OPCML: variants seen among roughly 807,000 people sequenced by gnomAD.
The protein encoded by OPCML is opioid binding protein/cell adhesion molecule like.
A neutral mutation model predicts 37.8 loss-of-function variants in OPCML; 13 were observed. The observed-to-expected ratio is 0.34, with a 90% confidence interval of 0.22 to 0.55. The LOEUF is 0.55. Ranked by LOEUF, OPCML falls within the 20% of genes least tolerant of loss-of-function variation. The pLI is 0.91. For synonymous variants in OPCML, 176 were observed against 168.8 expected (o/e 1.04, Z -0.33); for missense variants, 341 against 435.6 (o/e 0.78, Z 1.93).
intron 1 of OPCML, among the ~76,000 whole-genome samples, chr11:133,446,670 A>T (rs1214113912): frequency 6.6e-6 from 1 of 152,238 alleles, no homozygotes; most frequent in Non-Finnish European, 1.5e-5. Context: ...ACATCTAAAA[A>T]TGATTCCTCA....
chr11:133,315,160 G>T (rs1943175720), intron 1 of OPCML, among the ~76,000 whole-genome samples: 1 of 151,952 alleles, frequency 6.6e-6, no homozygotes, highest in African/African-American at 2.4e-5. Flanking sequence ...TAAAAATGAG[G>T]CTTTCAGACA....
intron 2 of OPCML, among the ~76,000 whole-genome samples, chr11:132,828,914 G>A (rs1366714649): frequency 1.3e-5 from 2 of 152,182 alleles, no homozygotes; most frequent in Non-Finnish European, 2.9e-5. Context: ...AAGACAGTAG[G>A]TGCCTCGTTT....
At position 133,357,390 on chromosome 11, in the gene OPCML, C is replaced by A. The variant is rs1187690276; in HGVS notation, c.61+174874G>T. 7.9e-5 allele frequency among the ~76,000 whole-genome samples: 12 copies of A among 152,268 alleles called. No homozygotes were observed. In the East Asian group the frequency reaches 2.3e-3, roughly 29 times the overall value. The stretch of plus-strand genomic sequence containing the variant: ...CAGAATATGTGGAACGTACATGGCA[C>A]TATGTTTGACATAAACATGTGGATG... On this transcript the variant is annotated intron_variant, in intron 1 of 7. Coordinates refer to ENST00000524381, the MANE Select transcript of OPCML (RefSeq NM_001012393.5).
At chr11:133,044,751 C>T (rs1160770065) in intron 1 of OPCML, among the ~76,000 whole-genome samples, 4 of 152,062 alleles carry the variant, frequency 2.6e-5, no homozygotes, top group Admixed American at 6.6e-5. Flanking sequence ...CTTTGAATCC[C>T]GGTAGAATGA....
chr11:132,707,918 T>A (rs938370684), intron 2 of OPCML, among the ~76,000 whole-genome samples: 3 of 152,204 alleles, frequency 2.0e-5, no homozygotes, highest in Non-Finnish European at 4.4e-5. Flanking sequence ...GGGTCATATA[T>A]GACAGTTCTC....
chr11:133,300,710 G>A (rs1942755794), intron 1 of OPCML: 1 of 152,204 alleles, frequency 6.6e-6, no homozygotes, highest in African/African-American at 2.4e-5. Context: ...AAGTTAACAT[G>A]GAGATGGAGA....
In OPCML at chr11:132,943,326, AAG is replaced by A. The variant is rs1227657417; in HGVS notation, c.62-318_62-317del. The A allele has an allele frequency of 8.2e-6, 5 of 608,696 alleles. No individual in the cohort carries two copies. Among genetic ancestry groups the A allele is most frequent in the Non-Finnish European group, 1.4e-5 (5 of 356,738 alleles). 37.7% of individuals were successfully genotyped at this position (608,696 alleles called of 1,614,324 possible). On this transcript the variant is annotated intron_variant, in intron 1 of 7. Coordinates refer to ENST00000524381, the MANE Select transcript of OPCML (RefSeq NM_001012393.5). The surrounding 1 kb of genome is among the most constrained non-coding windows in gnomAD (Gnocchi z 4.3). Reference sequence around the variant, plus strand: ...CCAGATGCCCCCTCCTGCATCCAAAAAGAGCTTTCTTGACGCTCCCCTGGGGA... The same window carrying A: ...CCAGATGCCCCCTCCTGCATCCAAAAAGCTTTCTTGACGCTCCCCTGGGGA...
At chr11:132,995,622 T>C (rs1946869269) in intron 1 of OPCML, among the ~76,000 whole-genome samples, 1 of 152,096 alleles carries the variant, frequency 6.6e-6, no homozygotes, top group African/African-American at 2.4e-5. Context: ...AAATCTACCT[T>C]CAATACTTCC....
intron 4 of OPCML, among the ~76,000 whole-genome samples, chr11:132,468,318 C>G (rs1271260863): frequency 6.6e-6 from 1 of 152,220 alleles, no homozygotes; most frequent in Non-Finnish European, 1.5e-5. Context: ...TGCACACTTT[C>G]TATCCATACC....
At chr11:132,925,471 G>A (rs1486883205) in intron 2 of OPCML, among the ~76,000 whole-genome samples, 1 of 152,202 alleles carries the variant, frequency 6.6e-6, no homozygotes, top group East Asian at 1.9e-4. Flanking sequence ...GTTTCCAAAT[G>A]GTTACCCTGC....
chr11:133,035,977 T>C (rs1947776221), intron 1 of OPCML, among the ~76,000 whole-genome samples: 1 of 152,182 alleles, frequency 6.6e-6, no homozygotes, highest in African/African-American at 2.4e-5. Context: ...TTCCCAAAAC[T>C]ATGAGAAAGT....
intron 1 of OPCML, among the ~76,000 whole-genome samples, chr11:133,408,297 A>G (rs1674924236): frequency 6.6e-6 from 1 of 152,220 alleles, no homozygotes; most frequent in South Asian, 2.1e-4. Context: ...TCAGTGAGTG[A>G]CAGTGGTCAC....
At chr11:132,979,026 CA>C (rs1946526386) in intron 1 of OPCML, among the ~76,000 whole-genome samples, 1 of 152,132 alleles carries the variant, frequency 6.6e-6, no homozygotes, top group African/African-American at 2.4e-5. Context: ...TTCATTTATT[CA>C]GAACAAAAAC....
chr11:133,486,837 TC>T (rs1003698535), intron 1 of OPCML, among the ~76,000 whole-genome samples: 10 of 140,120 alleles, frequency 7.1e-5, no homozygotes, highest in Middle Eastern at 3.2e-3. Context: ...TCTCGCTCTC[TC>T]CCCCCCTTCT....
At chr11:133,093,863 G>A (rs1171158189) in intron 1 of OPCML, among the ~76,000 whole-genome samples, 1 of 152,046 alleles carries the variant, frequency 6.6e-6, no homozygotes, top group Non-Finnish European at 1.5e-5. Flanking sequence ...ATTCACATCA[G>A]TCAATTCAAT....
chr11:132,484,835 GCA>G (rs1485659072), intron 4 of OPCML, among the ~76,000 whole-genome samples: 3 of 152,126 alleles, frequency 2.0e-5, no homozygotes, highest in Non-Finnish European at 4.4e-5. Flanking sequence ...ACCAAACGCT[GCA>G]TATTCTCACT....
chr11:132,633,545 G>A (rs895642679), intron 3 of OPCML, among the ~76,000 whole-genome samples: 4 of 152,184 alleles, frequency 2.6e-5, no homozygotes, highest in African/African-American at 9.7e-5. Flanking sequence ...GTCACAGGAA[G>A]TGCGAGGAGG....
chr11:133,494,734 C>G (rs182490903), intron 1 of OPCML, among the ~76,000 whole-genome samples: 3,775 of 47,508 alleles, frequency 0.079, 479 homozygotes, highest in African/African-American at 0.41. Context: ...GGCGGGGGGA[C>G]GGGGGAGGGA....
intron 2 of OPCML, among the ~76,000 whole-genome samples, chr11:132,791,496 T>C (rs1937903275): frequency 6.6e-6 from 1 of 152,136 alleles, no homozygotes; most frequent in South Asian, 2.1e-4. Flanking sequence ...TCTGACTGGA[T>C]AGGGGACTGG....
Sources: allele counts gnomAD v4.1 joint callset (sites outside exome capture counted in the v4.1 genomes callset), GRCh38; gene constraint gnomAD v4.1.1; non-coding constraint Gnocchi (gnomAD v3.1); transcripts MANE v1.5; gene names NCBI Gene and HGNC (gene_info 2026-07-23, HGNC 2026-07-21).